Variants in TCERG1L observed in about 807,000 individuals in gnomAD.
TCERG1L encodes the protein transcription elongation regulator 1-like protein.
TCERG1L carries 37 observed loss-of-function variants against 56.3 expected under a neutral mutation model. The ratio of observed to expected loss-of-function variants is 0.66; its 90% CI spans 0.51 to 0.87. The LOEUF is 0.87. Among genes scored for constraint, TCERG1L ranks in the 40% least tolerant of loss-of-function variants. The pLI is 0.00. For synonymous variants in TCERG1L, 324 were observed against 326.3 expected (o/e 0.99, Z 0.08); for missense variants, 799 against 774.2 (o/e 1.03, Z -0.38).
At chr10:131,263,641 TAAC>T (rs1365693921) in intron 3 of TCERG1L, among the ~76,000 whole-genome samples, 4 of 152,238 alleles carry the variant, frequency 2.6e-5, no homozygotes, top group Non-Finnish European at 5.9e-5. Flanking sequence ...TTCTGATAGA[TAAC>T]GACGACATAA....
intron 4 of TCERG1L, among the ~76,000 whole-genome samples, chr10:131,239,717 T>C (rs1455712323): frequency 2.6e-5 from 4 of 152,148 alleles, no homozygotes; most frequent in African/African-American, 9.7e-5. Context: ...TTGCTTCCGG[T>C]GGTATGGAAA....
intron 3 of TCERG1L, among the ~76,000 whole-genome samples, chr10:131,264,591 C>T (rs979544266): frequency 5.9e-5 from 9 of 152,184 alleles, no homozygotes; most frequent in African/African-American, 2.4e-5. Context: ...CCAGGCATGG[C>T]AGGCTTGAGG....
At chr10:131,196,388 G>A (rs913550265) in intron 4 of TCERG1L, among the ~76,000 whole-genome samples, 3 of 152,248 alleles carry the variant, frequency 2.0e-5, no homozygotes, top group East Asian at 1.9e-4. Flanking sequence ...TGGGCGTGTT[G>A]GTTCCTTCCA....
chr10:131,311,232 A>C lies in TCERG1L; in HGVS notation c.342+62T>G. On this transcript the variant is annotated intron_variant, in intron 1 of 11. Coordinates refer to ENST00000368642, the MANE Select transcript of TCERG1L (RefSeq NM_174937.4). This position sits in a 1 kb window ranked among gnomAD's most constrained non-coding sequence, Gnocchi z 4.0. ...GCCGGAGGCCAGAGCCGGGCCGGGC[A>C]GGGCGCGCCCAGGAGCAGGGGAGAC... 3 of 1,086,470 alleles carry C rather than the reference A, an allele frequency of 2.8e-6. No homozygotes were observed. The highest frequency in any genetic ancestry group is 2.3e-6 in the Non-Finnish European group (2 of 886,676). 67.3% of individuals were successfully genotyped at this position (1,086,470 alleles called of 1,614,324 possible).
At chr10:131,274,068 C>A (rs188150136) in intron 3 of TCERG1L, among the ~76,000 whole-genome samples, 2 of 152,220 alleles carry the variant, frequency 1.3e-5, no homozygotes, top group East Asian at 1.9e-4. Context: ...GCACCACCGC[C>A]GTCGAATGTC....
chr10:131,186,452 T>C lies in TCERG1L; in HGVS notation c.857-19567A>G, dbSNP rs115797640. Among the ~76,000 whole-genome samples, 1,276 of 151,912 alleles carry C rather than the reference T, an allele frequency of 8.4e-3. 13 individuals are homozygous for C. The highest frequency in any genetic ancestry group is 0.028 in the African/African-American group (1,169 of 41,420). ...AGTTGAACACCCAACTCATAAGAGG[T>C]CCAAAGAGATAACAGAGACTGATAG... On this transcript the variant is annotated intron_variant, in intron 4 of 11. Coordinates refer to ENST00000368642, the MANE Select transcript of TCERG1L (RefSeq NM_174937.4).
intron 4 of TCERG1L, among the ~76,000 whole-genome samples, chr10:131,211,093 G>A (rs1215163857): frequency 6.6e-6 from 1 of 152,240 alleles, no homozygotes; most frequent in Non-Finnish European, 1.5e-5. Context: ...TGCAGCCTGT[G>A]CATCTGTGCT....
intron 4 of TCERG1L, among the ~76,000 whole-genome samples, chr10:131,178,688 A>G (rs2007118): frequency 0.49 from 74,822 of 152,020 alleles, 21,008 homozygotes; most frequent in South Asian, 0.77. Flanking sequence ...AGCAAGCACT[A>G]AGTTCAGGGC....
At chr10:131,270,385 C>G (rs886671417) in intron 3 of TCERG1L, among the ~76,000 whole-genome samples, 9 of 152,216 alleles carry the variant, frequency 5.9e-5, no homozygotes, top group African/African-American at 9.6e-5. Flanking sequence ...CCCAAAGGAC[C>G]ACAGGGAATC....
At chr10:131,310,914 G>GTTTTC (rs1846883016) in intron 1 of TCERG1L, among the ~76,000 whole-genome samples, 1 of 152,250 alleles carries the variant, frequency 6.6e-6, no homozygotes, top group Non-Finnish European at 1.5e-5. Context: ...CAGAGACTGT[G>GTTTTC]AAAGTCCTAA....
chr10:131,143,552 G>A (rs1845761242), intron 7 of TCERG1L, among the ~76,000 whole-genome samples: 2 of 152,164 alleles, frequency 1.3e-5, no homozygotes, highest in African/African-American at 4.8e-5. Context: ...GGGCCAAGGT[G>A]GTGGGGCTAC....
chr10:131,307,048 C>T (rs1430050143), intron 3 of TCERG1L, among the ~76,000 whole-genome samples: 1 of 152,120 alleles, frequency 6.6e-6, no homozygotes, highest in South Asian at 2.1e-4. Context: ...AAAATAATAC[C>T]TTTTCATATA....
chr10:131,259,135 G>T (rs534109032), intron 4 of TCERG1L, among the ~76,000 whole-genome samples: 1 of 152,160 alleles, frequency 6.6e-6, no homozygotes, highest in Non-Finnish European at 1.5e-5. Flanking sequence ...AGCGAACGCC[G>T]AAGGTCCATT....
At chr10:131,233,425 T>C (rs1463035709) in intron 4 of TCERG1L, among the ~76,000 whole-genome samples, 3 of 134,372 alleles carry the variant, frequency 2.2e-5, no homozygotes, top group South Asian at 2.4e-4. Flanking sequence ...CACACACACA[T>C]ATATACACAC....
chr10:131,194,270 C>G (rs914388211), intron 4 of TCERG1L, among the ~76,000 whole-genome samples: 1 of 152,234 alleles, frequency 6.6e-6, no homozygotes, highest in African/African-American at 2.4e-5. Context: ...AGATGTCACT[C>G]GCTGCCCCGA....
At chr10:131,245,496 C>T (rs899560357) in intron 4 of TCERG1L, among the ~76,000 whole-genome samples, 11 of 152,212 alleles carry the variant, frequency 7.2e-5, no homozygotes, top group African/African-American at 2.7e-4. Context: ...GGGCTTCCCT[C>T]CCTCCAGCCT....
chr10:131,110,720 A>G (rs1845401882), intron 9 of TCERG1L, among the ~76,000 whole-genome samples: 1 of 152,234 alleles, frequency 6.6e-6, no homozygotes, highest in African/African-American at 2.4e-5. Flanking sequence ...TCCCGGCTTC[A>G]CCAAAAGCCT....
At chr10:131,202,664 A>G (rs1845454647) in intron 4 of TCERG1L, among the ~76,000 whole-genome samples, 2 of 152,204 alleles carry the variant, frequency 1.3e-5, no homozygotes, top group South Asian at 4.1e-4. Context: ...TAAAACAGTA[A>G]CGTAGCGGAA....
chr10:131,247,079 C>T (rs923008955), intron 4 of TCERG1L, among the ~76,000 whole-genome samples: 30 of 152,002 alleles, frequency 2.0e-4, no homozygotes, highest in African/African-American at 7.0e-4. Flanking sequence ...TATGCCAGCT[C>T]GTTCAGCAGC....
Sources: allele counts gnomAD v4.1 joint callset (sites outside exome capture counted in the v4.1 genomes callset), GRCh38; gene constraint gnomAD v4.1.1; non-coding constraint Gnocchi (gnomAD v3.1); transcripts MANE v1.5; gene names NCBI Gene and HGNC (gene_info 2026-07-23, HGNC 2026-07-21).